Variants in UGT1A1 observed in about 807,000 individuals in gnomAD.
UGT1A1 encodes UDP glucuronosyltransferase family 1 member A1, also known as UDP-glucuronosyltransferase 1A1.
UGT1A1 carries 33 observed loss-of-function variants against 40.6 expected under a neutral mutation model. The observed-to-expected ratio is 0.81, with a 90% CI of 0.62 to 1.09. The LOEUF is 1.09. UGT1A1 is among the 50% of genes least tolerant of loss of function. UGT1A1 has a pLI of 0.00. For synonymous variants in UGT1A1, 249 were observed against 265.0 expected (o/e 0.94, Z 0.59); for missense variants, 694 against 671.2 (o/e 1.03, Z -0.38).
rs1336419159 is a variant in UGT1A1 at position 233,760,458 on chromosome 2, A to T, written c.171A>T (p.Ile57=). 6.2e-7 allele frequency: 1 copy of T among 1,614,212 alleles called. No individual in the cohort carries two copies. The highest frequency in any genetic ancestry group is 8.5e-7 in the Non-Finnish European group (1 of 1,180,036). ...IQQLQQRGHE[I]VVLAPDASLY... ...AGCTGCAGCAGAGGGGACATGAAATAGTTGTCCTAGCACCTGACGCCTCGT... is the reference window on the plus strand; with the variant it reads ...AGCTGCAGCAGAGGGGACATGAAATTGTTGTCCTAGCACCTGACGCCTCGT... Residue 57 remains isoleucine (I), a synonymous_variant, in exon 1 of 5, where the codon ATA becomes ATT. Coordinates refer to ENST00000305208, the MANE Select transcript of UGT1A1 (RefSeq NM_000463.3).
In UGT1A1 at chr2:233,772,321, T is replaced by C; in HGVS notation, c.1364T>C (p.Leu455Pro). 1 of 1,614,248 alleles carries C rather than the reference T, an allele frequency of 6.2e-7. No homozygotes were observed. The highest frequency in any genetic ancestry group is 8.5e-7 in the Non-Finnish European group (1 of 1,180,036). ...CACAAGGACCGCCCGGTGGAGCCGC[T>C]GGACCTGGCCGTGTTCTGGGTGGAG... is the stretch of plus-strand genomic sequence containing the variant. Reference protein sequence around the residue: ...SLHKDRPVEPLDLAVFWVEFV... With the variant: ...SLHKDRPVEPPDLAVFWVEFV... Residue 455 changes from leucine to proline, a missense_variant, in exon 5 of 5, where the codon CTG (leucine) becomes CCG (proline). By Grantham distance (98) the Leu-to-Pro change is moderately conservative. Coordinates refer to ENST00000305208, the MANE Select transcript of UGT1A1 (RefSeq NM_000463.3).
Position 233,760,580 on chromosome 2 carries a change from A to G in UGT1A1, c.293A>G (p.Asn98Ser). The change falls in exon 1 of 5, where the codon AAT (asparagine) becomes AGT (serine). Residue 98 changes from asparagine (N) to serine (S), a missense_variant. By Grantham distance (46) the Asn-to-Ser change is conservative (BLOSUM62 1). Coordinates refer to ENST00000305208, the MANE Select transcript of UGT1A1 (RefSeq NM_000463.3). ...GAGTCTTTTGTTAGTCTCGGGCATA[A>G]TGTTTTTGAGAATGATTCTTTCCTG... Reference protein sequence around the residue: ...VKESFVSLGHNVFENDSFLQR... With the variant: ...VKESFVSLGHSVFENDSFLQR... 1 of 1,614,212 alleles carries G rather than the reference A, an allele frequency of 6.2e-7. No individual in the cohort carries two copies. The highest frequency in any genetic ancestry group is 8.5e-7 in the Non-Finnish European group (1 of 1,180,048).
intron 4 of UGT1A1, among the ~76,000 whole-genome samples, chr2:233,771,932 C>G (rs909817739): frequency 6.6e-6 from 1 of 152,046 alleles, no homozygotes; most frequent in African/African-American, 2.4e-5. Context: ...CTGGGCAACA[C>G]AATAAGACCT....
Position 233,769,600 on chromosome 2 carries a change from G to C in UGT1A1, c.1304+1161G>C. ...GTTCAGATGAGAGGAGACGGAACAC[G>C]GGGACACACCAGCTTGAGCAAGGGA... is the stretch of plus-strand genomic sequence containing the variant. On this transcript the variant is annotated intron_variant, in intron 4 of 4. Coordinates refer to ENST00000305208, the MANE Select transcript of UGT1A1 (RefSeq NM_000463.3). The surrounding 1 kb of genome is among the most constrained non-coding windows in gnomAD (Gnocchi z 4.4). 6.2e-7 allele frequency: 1 copy of C among 1,612,786 alleles called. No individual in the cohort carries two copies. Among genetic ancestry groups the C allele is most frequent in the Non-Finnish European group, 8.5e-7 (1 of 1,179,854 alleles).
In UGT1A1 at chr2:233,760,872, G is replaced by A; in HGVS notation, c.585G>A (p.Arg195=). ...QCPNPFSYVP[R]PLSSHSDHMT... ...CCAACCCATTCTCCTACGTGCCCAG[G>A]CCTCTCTCCTCTCATTCAGATCACA... Residue 195 remains arginine (R), a synonymous_variant, in exon 1 of 5, where the codon AGG becomes AGA. Transcript: ENST00000305208. The A allele has an allele frequency of 6.2e-7, 1 of 1,614,112 alleles. No individual in the cohort carries two copies. The highest frequency in any genetic ancestry group is 8.5e-7 in the Non-Finnish European group (1 of 1,180,022).
chr2:233,763,634 G>A (rs185655809), intron 1 of UGT1A1, among the ~76,000 whole-genome samples: 42 of 152,196 alleles, frequency 2.8e-4, no homozygotes, highest in Admixed American at 6.5e-4. Flanking sequence ...TGTGTTGATG[G>A]TCCTATTCTC....
rs2125982476 is a variant in UGT1A1, at chr2:233,760,314, C to T, written c.27C>T (p.Arg9=). The change falls in exon 1 of 5, where the codon CGC becomes CGT. Residue 9 remains arginine, a synonymous_variant. Coordinates refer to ENST00000305208, the MANE Select transcript of UGT1A1 (RefSeq NM_000463.3). ...TGGCTGTGGAGTCCCAGGGCGGACGCCCACTTGTCCTGGGCCTGCTGCTGT... is the reference window on the plus strand; with the variant it reads ...TGGCTGTGGAGTCCCAGGGCGGACGTCCACTTGTCCTGGGCCTGCTGCTGT... MAVESQGG[R]PLVLGLLLCV... is the part of the protein sequence containing the mutation. The T allele has an allele frequency of 1.2e-6, 2 of 1,613,914 alleles. No individual in the cohort carries two copies. The highest frequency in any genetic ancestry group is 1.7e-6 in the Non-Finnish European group (2 of 1,179,970).
At chr2:233,770,517 G>A (rs1365458811) in intron 4 of UGT1A1, 2 of 152,204 alleles carry the variant, frequency 1.3e-5, no homozygotes, top group African/African-American at 4.8e-5. Flanking sequence ...AATTACCCAG[G>A]CATGGTGGTG....
rs1407595030 is a variant in UGT1A1, at chr2:233,768,410, T to C, written c.1275T>C (p.Asn425=). 6.2e-7 allele frequency: 1 copy of C among 1,614,120 alleles called. No homozygotes were observed. Among genetic ancestry groups the C allele is most frequent in the East Asian group, 2.2e-5 (1 of 44,882 alleles). ...AAATGACTTCTGAAGATTTAGAAAA[T>C]GCTCTAAAAGCAGTCATCAATGACA... is the stretch of plus-strand genomic sequence containing the variant. ...VLEMTSEDLE[N]ALKAVINDKS... Residue 425 remains asparagine, a synonymous_variant, in exon 4 of 5, where the codon AAT becomes AAC. Transcript: ENST00000305208.
chr2:233,761,114 G>A lies in UGT1A1; in HGVS notation c.827G>A (p.Gly276Asp), dbSNP rs570314042. Residue 276 changes from glycine (G) to aspartate (D), a missense_variant, in exon 1 of 5, where the codon GGT (glycine) becomes GAT (aspartate). Coordinates refer to ENST00000305208, the MANE Select transcript of UGT1A1 (RefSeq NM_000463.3). ...ATCATGCCCAATATGGTTTTTGTTGGTGGAATCAACTGCCTTCACCAAAAT... is the reference window on the plus strand; with the variant it reads ...ATCATGCCCAATATGGTTTTTGTTGATGGAATCAACTGCCTTCACCAAAAT... ...RPIMPNMVFV[G>D]GINCLHQNPL... 6.2e-7 allele frequency: 1 copy of A among 1,614,204 alleles called. No individual in the cohort carries two copies. Among genetic ancestry groups the A allele is most frequent in the South Asian group, 1.1e-5 (1 of 91,084 alleles).
At chr2:233,766,980 A>G (rs1699299686) in intron 1 of UGT1A1, 54 bp from the exon 2 acceptor site, 14 of 1,612,720 alleles carry the variant, frequency 8.7e-6, no homozygotes, top group Non-Finnish European at 1.1e-5. Flanking sequence ...TACTGTATGT[A>G]GTCATCAAAG....
intron 2 of UGT1A1, 53 bp downstream of exon 2, chr2:233,767,218 C>A: frequency 6.2e-7 from 1 of 1,611,886 alleles, no homozygotes; most frequent in South Asian, 1.1e-5. Context: ...GAGCGCTAAT[C>A]CCAGACTTCC....
chr2:233,772,593 C>A lies in UGT1A1; in HGVS notation c.*34C>A. The A allele has an allele frequency of 2.5e-6, 4 of 1,598,604 alleles. No individual in the cohort carries two copies. Among genetic ancestry groups the A allele is most frequent in the Non-Finnish European group, 3.4e-6 (4 of 1,171,794 alleles). On this transcript the variant is annotated 3_prime_UTR_variant, in exon 5 of 5. Transcript: ENST00000305208. The stretch of plus-strand genomic sequence containing the variant: ...TGGGAAATAAGGTAAAATTTTGAAC[C>A]ATTCCCTAGTCATTTCCAAACTTGA...
Position 233,772,749 on chromosome 2 carries a change from G to C in UGT1A1, c.*190G>C. 7.0e-7 allele frequency: 1 copy of C among 1,420,230 alleles called. No homozygotes were observed. Among genetic ancestry groups the C allele is most frequent in the East Asian group, 2.5e-5 (1 of 40,006 alleles). 88.0% of individuals were successfully genotyped at this position (1,420,230 alleles called of 1,614,324 possible). Reference sequence around the variant, plus strand: ...GACTCGCTAGTCAGTAAAGATATTTGAATATGTATCGTGCCCCCTCTGGTG... The same window carrying C: ...GACTCGCTAGTCAGTAAAGATATTTCAATATGTATCGTGCCCCCTCTGGTG... On this transcript the variant is annotated 3_prime_UTR_variant, in exon 5 of 5. Coordinates refer to ENST00000305208, the MANE Select transcript of UGT1A1 (RefSeq NM_000463.3).
rs2126038220 is a variant in UGT1A1, at chr2:233,768,440, G to T, written c.1304+1G>T. ...TAAAAGCAGTCATCAATGACAAAAG[G>T]TAAGAAAGAAGATACAGAAGAATAC... On this transcript the variant is annotated splice_donor_variant, in intron 4 of 4. Coordinates refer to ENST00000305208, the MANE Select transcript of UGT1A1 (RefSeq NM_000463.3). LOFTEE classifies it high-confidence loss of function. 1.2e-6 allele frequency: 2 copies of T among 1,613,446 alleles called. No individual in the cohort carries two copies. Among genetic ancestry groups the T allele is most frequent in the Non-Finnish European group, 1.7e-6 (2 of 1,179,672 alleles).
intron 2 of UGT1A1, among the ~76,000 whole-genome samples, chr2:233,767,421 A>G (rs1260096333): frequency 6.6e-6 from 1 of 152,234 alleles, no homozygotes; most frequent in Non-Finnish European, 1.5e-5. Context: ...TCAAAAGTGT[A>G]TTAGGGAGAA....
At position 233,764,952 on chromosome 2, in the gene UGT1A1, G is replaced by A. The variant is rs141731857; in HGVS notation, c.865-2082G>A. On this transcript the variant is annotated intron_variant, in intron 1 of 4. Transcript: ENST00000305208. Reference sequence around the variant, plus strand: ...GCTGGTGAGAGTGGCGGGGAGAGAGGGCTCACCTTGGGAGAAGGATGGTCA... The same window carrying A: ...GCTGGTGAGAGTGGCGGGGAGAGAGAGCTCACCTTGGGAGAAGGATGGTCA... Among the ~76,000 whole-genome samples the A allele has an allele frequency of 2.5e-3, 384 of 152,210 alleles. 3 individuals are homozygous for A. Among genetic ancestry groups the A allele is most frequent in the South Asian group, 8.5e-3 (41 of 4,812 alleles).
chr2:233,760,742 C>T lies in UGT1A1; in HGVS notation c.455C>T (p.Pro152Leu). ...AGCTTTGATGTCATGCTGACGGACC[C>T]TTTCCTTCCTTGCAGCCCCATCGTG... ...ESSFDVMLTD[P>L]FLPCSPIVAQ... Residue 152 changes from proline to leucine, a missense_variant, in exon 1 of 5, where the codon CCT (proline) becomes CTT (leucine). Transcript: ENST00000305208. 3.1e-6 allele frequency: 5 copies of T among 1,614,166 alleles called. No homozygotes were observed. Among genetic ancestry groups the T allele is most frequent in the Non-Finnish European group, 4.2e-6 (5 of 1,180,008 alleles).
chr2:233,769,481 G>C lies in UGT1A1; in HGVS notation c.1304+1042G>C. ...TTCATATGCGTGTGTGTGTGTGTGCGTGTGTTTATGAGAGTGTCCATTGCT... is the reference window on the plus strand; with the variant it reads ...TTCATATGCGTGTGTGTGTGTGTGCCTGTGTTTATGAGAGTGTCCATTGCT... On this transcript the variant is annotated intron_variant, in intron 4 of 4. Coordinates refer to ENST00000305208, the MANE Select transcript of UGT1A1 (RefSeq NM_000463.3). This position sits in a 1 kb window ranked among gnomAD's most constrained non-coding sequence, Gnocchi z 4.4. 6.2e-7 allele frequency: 1 copy of C among 1,612,192 alleles called. No homozygotes were observed. The highest frequency in any genetic ancestry group is 1.1e-5 in the South Asian group (1 of 91,012).
Sources: gnomAD v4.1 joint callset for allele counts (sites outside exome capture counted in the v4.1 genomes callset) on GRCh38, gnomAD v4.1.1 for gene constraint, Gnocchi (gnomAD v3.1) non-coding constraint, MANE v1.5 for transcripts, NCBI Gene and HGNC (gene_info 2026-07-23, HGNC 2026-07-21) for gene names.